FUNDC2: variants seen among roughly 807,000 people sequenced by gnomAD.
FUNDC2 encodes FUN14 domain-containing protein 2.
FUNDC2 carries 4 observed loss-of-function variants against 15.6 expected under a neutral mutation model. The observed-to-expected ratio is 0.26, with a 90% CI of 0.13 to 0.59. The LOEUF (loss-of-function observed/expected upper bound fraction) is 0.59, where lower values mean the gene tolerates loss of function less well. FUNDC2 is among the 20% of genes least tolerant of loss of function. FUNDC2 has a pLI of 0.90. For synonymous variants in FUNDC2, 44 were observed against 56.9 expected (o/e 0.77, Z 1.02); for missense variants, 98 against 149.7 (o/e 0.65, Z 1.80).
At chrX:155,032,068 C>G (rs1557288793) in intron 1 of FUNDC2, among the ~76,000 whole-genome samples, 1 of 109,489 alleles carries the variant, frequency 9.1e-6, no homozygotes, top group Non-Finnish European at 1.9e-5. Context: ...CTCCACCTCC[C>G]CGGTTCCAGT....
Position 155,027,011 on chromosome X carries a change from G to A in FUNDC2, c.73G>A (p.Ala25Thr). 2.5e-6 allele frequency: 3 copies of A among 1,204,920 alleles called. No homozygotes were observed. Among genetic ancestry groups the A allele is most frequent in the Non-Finnish European group, 3.4e-6 (3 of 892,375 alleles). ...TGCGCGCCACTCCGCGGCCTACCGC[G>A]CAGATCCTCTACGTGTGTCCTCGCG... is the stretch of plus-strand genomic sequence containing the variant. ...TTARHSAAYR[A>T]DPLRVSSRDK... is the part of the protein sequence containing the mutation. The change falls in exon 1 of 5, where the codon GCA becomes ACA. Residue 25 changes from alanine to threonine, a missense_variant. Transcript: ENST00000369498.
intron 1 of FUNDC2, among the ~76,000 whole-genome samples, chrX:155,028,359 C>G (rs114112645): frequency 0.04 from 4,448 of 111,800 alleles, 212 homozygotes; most frequent in African/African-American, 0.14. Flanking sequence ...GGGACTAGAT[C>G]TGTCATTCAG....
At chrX:155,054,177 G>A (rs782324645) in intron 4 of FUNDC2, 170 of 751,815 alleles carry the variant, frequency 2.3e-4, no homozygotes, top group Non-Finnish European at 2.6e-4. Flanking sequence ...AGCCTCTATT[G>A]GAGGGTAGAT....
chrX:155,056,954 A>C lies in FUNDC2; in HGVS notation c.*2282A>C, dbSNP rs1399496627. 1 of 109,820 alleles carries C rather than the reference A, an allele frequency of 9.1e-6. No individual in the cohort carries two copies. The allele number at this position is 109,820 out of a possible 1,213,427, so 9.1% of individuals were successfully genotyped here. A position where few individuals can be genotyped will look rare whatever the true frequency, so the allele number is the denominator to read the frequency against. On this transcript the variant is annotated 3_prime_UTR_variant, in exon 5 of 5. Transcript: ENST00000369498. ...ATTGTCTGAATTAAGATCTGTAGGT[A>C]GGTCCCTCCTGAAGTTTTTTCCCAG...
In FUNDC2 at chrX:155,056,512, G is replaced by C. The variant is rs781890670; in HGVS notation, c.*1840G>C. ...TTTGGATAAGTCTCTTAACCTTATA[G>C]ATCCTCCTCTATTTTTTTTTTTTTG... is the stretch of plus-strand genomic sequence containing the variant. On this transcript the variant is annotated 3_prime_UTR_variant, in exon 5 of 5. Coordinates refer to ENST00000369498, the MANE Select transcript of FUNDC2 (RefSeq NM_023934.4). 1 of 97,969 alleles carries C rather than the reference G, an allele frequency of 1.0e-5. No homozygotes were observed. The highest frequency in any genetic ancestry group is 4.0e-5 in the African/African-American group (1 of 24,848). The allele number at this position is 97,969 out of a possible 1,213,427, so 8.1% of individuals were successfully genotyped here. A position where few individuals can be genotyped will look rare whatever the true frequency, so the allele number is the denominator to read the frequency against.
In FUNDC2 at chrX:155,052,168, T is replaced by C. The variant is rs781877356; in HGVS notation, c.492+367T>C. 1.2e-4 allele frequency among the ~76,000 whole-genome samples: 13 copies of C among 112,184 alleles called. No individual in the cohort carries two copies. The South Asian group carries it at 2.2e-3, about 19-fold the overall frequency. On this transcript the variant is annotated intron_variant, in intron 4 of 4. Transcript: ENST00000369498. Reference sequence around the variant, plus strand: ...CTCTGCTTGTTCTGCATATAACTAGTGGAAATGTCACAAGTATTCAACTCC... The same window carrying C: ...CTCTGCTTGTTCTGCATATAACTAGCGGAAATGTCACAAGTATTCAACTCC...
intron 3 of FUNDC2, 89 bp downstream of exon 3, chrX:155,046,673 A>G (rs2073863790): frequency 2.9e-6 from 2 of 701,233 alleles, no homozygotes; most frequent in East Asian, 3.2e-5. Flanking sequence ...AGTCCTGGCT[A>G]TGTCACACTA....
chrX:155,031,695 A>G (rs782507581), intron 1 of FUNDC2, among the ~76,000 whole-genome samples: 10 of 112,430 alleles, frequency 8.9e-5, no homozygotes, highest in Non-Finnish European at 1.5e-4. Flanking sequence ...CATGGGTAGT[A>G]GTCATTTTCT....
chrX:155,031,686 A>G (rs2073815566), intron 1 of FUNDC2, among the ~76,000 whole-genome samples: 1 of 112,275 alleles, frequency 8.9e-6, no homozygotes, highest in Admixed American at 9.4e-5. Context: ...TTGCCTTTGC[A>G]TGGGTAGTAG....
Position 155,058,710 on chromosome X carries a change from AATT to A in FUNDC2, c.*4039_*4041del, listed in dbSNP as rs2073917255. On this transcript the variant is annotated 3_prime_UTR_variant, in exon 5 of 5. Transcript: ENST00000369498. ...TAAGAGGTCACACTAACATCTGAGT[AATT>A]GGGCAGAAAACCTATTTTAGTTCTG... 9.0e-6 allele frequency: 1 copy of A among 110,875 alleles called. No individual in the cohort carries two copies. The highest frequency in any genetic ancestry group is 1.9e-5 in the Non-Finnish European group (1 of 52,954). The allele number at this position is 110,875 out of a possible 1,213,427, so 9.1% of individuals were successfully genotyped here.
chrX:155,046,804 G>A (rs782611697), intron 3 of FUNDC2, among the ~76,000 whole-genome samples: 1 of 112,525 alleles, frequency 8.9e-6, no homozygotes, highest in Admixed American at 9.4e-5. Context: ...CTCATGTGGC[G>A]ACAGAAGTGC....
intron 2 of FUNDC2, among the ~76,000 whole-genome samples, chrX:155,045,760 G>A (rs1016188902): frequency 8.1e-5 from 9 of 111,317 alleles, no homozygotes; most frequent in African/African-American, 2.9e-4. Context: ...AGTCTAGGGA[G>A]GATTTTTTCA....
Position 155,026,848 on chromosome X carries a change from C to A in FUNDC2, c.-91C>A. On this transcript the variant is annotated 5_prime_UTR_variant, in exon 1 of 5. Transcript: ENST00000369498. ...GGGCGGGACCGCGGGGCCTGTGACA[C>A]CGCACGCTGAGCTCTGTGATGTAGC... The A allele has an allele frequency of 8.9e-7, 1 of 1,129,276 alleles. No homozygotes were observed. 93.1% of individuals were successfully genotyped at this position (1,129,276 alleles called of 1,213,427 possible).
At chrX:155,037,538 C>G (rs1008431382) in intron 2 of FUNDC2, among the ~76,000 whole-genome samples, 3 of 111,249 alleles carry the variant, frequency 2.7e-5, no homozygotes, top group African/African-American at 9.8e-5. Flanking sequence ...GGCTAGAGTG[C>G]AGTGGTGTGA....
At position 155,027,015 on chromosome X, in the gene FUNDC2, ATCCTCTACGTGTG is replaced by A; in HGVS notation, c.83_95del (p.Leu28ArgfsTer108). 8.3e-7 allele frequency: 1 copy of A among 1,204,537 alleles called. No individual in the cohort carries two copies. The highest frequency in any genetic ancestry group is 1.1e-6 in the Non-Finnish European group (1 of 892,200). Reference sequence around the variant, plus strand: ...CGCCACTCCGCGGCCTACCGCGCAGATCCTCTACGTGTGTCCTCGCGAGACAAGCTCACCGAAA... The same window carrying A: ...CGCCACTCCGCGGCCTACCGCGCAGATCCTCGCGAGACAAGCTCACCGAAA... On this transcript the variant is annotated frameshift_variant, in exon 1 of 5. Transcript: ENST00000369498. LOFTEE classifies it high-confidence loss of function.
At chrX:155,034,222 A>G (rs1422431835) in intron 2 of FUNDC2, among the ~76,000 whole-genome samples, 3 of 112,881 alleles carry the variant, frequency 2.7e-5, no homozygotes, top group Non-Finnish European at 1.9e-5. Flanking sequence ...TAGTTTTAAC[A>G]CCAGTTATGT....
chrX:155,048,818 G>A (rs1369729739), intron 3 of FUNDC2, among the ~76,000 whole-genome samples: 1 of 112,154 alleles, frequency 8.9e-6, no homozygotes, highest in African/African-American at 3.2e-5. Flanking sequence ...CTGTGATTCA[G>A]TTTTATTCCT....
At chrX:155,029,246 T>C (rs1461981074) in intron 1 of FUNDC2, among the ~76,000 whole-genome samples, 1 of 112,165 alleles carries the variant, frequency 8.9e-6, no homozygotes, top group African/African-American at 3.2e-5. Flanking sequence ...ACCCAGCCTG[T>C]AAGTCTTCTG....
At chrX:155,047,198 G>T in intron 3 of FUNDC2, 1 of 273,081 alleles carries the variant, frequency 3.7e-6, no homozygotes. Flanking sequence ...GCTCCACATT[G>T]GAATCACCTA....
Sources: allele counts gnomAD v4.1 joint callset (sites outside exome capture counted in the v4.1 genomes callset), GRCh38; gene constraint gnomAD v4.1.1; transcripts MANE v1.5; gene names NCBI Gene and HGNC (gene_info 2026-07-23, HGNC 2026-07-21).